The following DDB1 variants were observed in gnomAD, a reference collection of about 807,000 sequenced individuals.
DDB1 encodes DNA damage-binding protein 1.
Under a neutral mutation model 133.1 loss-of-function variants are expected in DDB1, and 18 were observed. The observed-to-expected ratio is 0.14, with a 90% CI of 0.09 to 0.20. The LOEUF (loss-of-function observed/expected upper bound fraction) is 0.20, where lower values mean the gene tolerates loss of function less well. DDB1 is among the 10% of genes least tolerant of loss of function. DDB1 has a pLI of 1.00. For missense variants in DDB1, 828 were observed against 1,459.2 expected, an observed-to-expected ratio of 0.57 and a Z score of 7.05; for synonymous variants, 580 against 550.5, an observed-to-expected ratio of 1.05 and a Z score of -0.75.
Position 61,300,057 on chromosome 11 carries a change from A to C in DDB1, c.*79T>G, listed in dbSNP as rs1243409364. 1.1e-5 allele frequency: 16 copies of C among 1,464,464 alleles called. No homozygotes were observed. Among genetic ancestry groups the C allele is most frequent in the East Asian group, 6.8e-5 (3 of 44,086 alleles). The allele number at this position is 1,464,464 out of a possible 1,614,324, so 90.7% of individuals were successfully genotyped here. A position where few individuals can be genotyped will look rare whatever the true frequency, so the allele number is the denominator to read the frequency against. ...AGGGAAAGGCCTCCCATGGCCAAGAAGACGATGGTGGAGAGGAGGGGGAGG... is the reference window on the plus strand; with the variant it reads ...AGGGAAAGGCCTCCCATGGCCAAGACGACGATGGTGGAGAGGAGGGGGAGG... On this transcript the variant is annotated 3_prime_UTR_variant, in exon 27 of 27. Coordinates refer to ENST00000301764, the MANE Select transcript of DDB1 (RefSeq NM_001923.5).
At chr11:61,312,321 T>C (rs910751102) in intron 16 of DDB1, among the ~76,000 whole-genome samples, 1 of 152,098 alleles carries the variant, frequency 6.6e-6, no homozygotes, top group African/African-American at 2.4e-5. Flanking sequence ...TTAATGATAA[T>C]GTGCAACCAG....
Position 61,309,948 on chromosome 11 carries a change from T to C in DDB1, c.2414A>G (p.His805Arg). Residue 805 changes from histidine (H) to arginine (R), a missense_variant, in exon 20 of 27, where the codon CAC becomes CGC. Physicochemically the swap from His to Arg is conservative, Grantham distance 29. Transcript: ENST00000301764. ...GGCATATTCATTCTGCAGAAACTGG[T>C]GGGCATGAAGCACTAGAGAGTAGAG... ...DQHTFEVLHA[H>R]QFLQNEYALS... The C allele has an allele frequency of 6.2e-7, 1 of 1,614,188 alleles. No homozygotes were observed. Among genetic ancestry groups the C allele is most frequent in the Non-Finnish European group, 8.5e-7 (1 of 1,180,034 alleles).
At chr11:61,303,218 G>A (rs1855828485) in intron 22 of DDB1, 63 bp from the exon 23 acceptor site, 1 of 1,486,314 alleles carries the variant, frequency 6.7e-7, no homozygotes, top group Admixed American at 1.7e-5. Context: ...TCCAGTTCTG[G>A]GACTTGTGTT....
chr11:61,318,435 C>A (rs1277803746), intron 10 of DDB1, among the ~76,000 whole-genome samples: 2 of 152,122 alleles, frequency 1.3e-5, no homozygotes, highest in African/African-American at 4.8e-5. Flanking sequence ...ACAGCCCGAC[C>A]AACATAATGT....
intron 8 of DDB1, chr11:61,322,798 C>T (rs771072252): frequency 1.0e-5 from 6 of 576,482 alleles, no homozygotes; most frequent in Non-Finnish European, 1.8e-5. Flanking sequence ...AATGTATCCA[C>T]AGCACCTAGC....
At position 61,329,423 on chromosome 11, in the gene DDB1, A is replaced by G. The variant is rs1381757889; in HGVS notation, c.489T>C (p.His163=). 6.2e-7 allele frequency: 1 copy of G among 1,614,204 alleles called. No homozygotes were observed. Among genetic ancestry groups the G allele is most frequent in the South Asian group, 1.1e-5 (1 of 91,084 alleles). ...KAFNIRLEEL[H]VIDVKFLYGC... is the part of the protein sequence containing the mutation. Reference sequence around the variant, plus strand: ...CATATAGGAACTTGACATCAATGACATGCAGCTCCTCCAGGCGGATGTTGA... The same window carrying G: ...CATATAGGAACTTGACATCAATGACGTGCAGCTCCTCCAGGCGGATGTTGA... The change falls in exon 4 of 27, where the codon CAT becomes CAC. Residue 163 remains histidine, a synonymous_variant. Transcript: ENST00000301764.
chr11:61,310,470 G>A, intron 18 of DDB1, 52 bp from the exon 19 acceptor site: 2 of 1,539,414 alleles, frequency 1.3e-6, no homozygotes, highest in Non-Finnish European at 1.7e-6. Context: ...AAGAAGTGCT[G>A]AGACATCATT....
At chr11:61,303,383 G>C (rs1426530019) in intron 22 of DDB1, 4 of 476,678 alleles carry the variant, frequency 8.4e-6, no homozygotes, top group Non-Finnish European at 1.5e-5. Flanking sequence ...TTTGAGTTGG[G>C]AGTCTCTAAA....
chr11:61,326,723 A>T (rs1856276590), intron 5 of DDB1, 56 bp downstream of exon 5: 4 of 1,424,708 alleles, frequency 2.8e-6, no homozygotes, highest in Non-Finnish European at 4.0e-6. Flanking sequence ...AGCGAACAAG[A>T]ACAGGGAACT....
chr11:61,300,313 T>TC (rs1855772270), intron 26 of DDB1, 94 bp from the exon 27 acceptor site: 1 of 1,270,864 alleles, frequency 7.9e-7, no homozygotes, highest in Admixed American at 1.9e-5. Context: ...GGCACAAGAC[T>TC]CCACCATTGT....
rs781740647 is a variant in DDB1, at chr11:61,302,766, G to T, written c.2943-15C>A. 58 of 1,614,006 alleles carry T rather than the reference G, an allele frequency of 3.6e-5. 1 individual carries two copies. The South Asian group carries it at 6.4e-4, about 18-fold the overall frequency. On this transcript the variant is annotated splice_polypyrimidine_tract_variant and intron_variant, in intron 23 of 26. Coordinates refer to ENST00000301764, the MANE Select transcript of DDB1 (RefSeq NM_001923.5). The stretch of plus-strand genomic sequence containing the variant: ...TGGTGGCAGCGCTGAAAGGCGGTAA[G>T]AAAGTCACTTTCTGAACCTCCTGTT...
chr11:61,302,919 G>GA, intron 23 of DDB1, 127 bp downstream of exon 23: 1 of 1,270,902 alleles, frequency 7.9e-7, no homozygotes, highest in African/African-American at 1.5e-5. Flanking sequence ...TTTATTCTCT[G>GA]ACGAGGAAAG....
At chr11:61,323,939 T>C in intron 7 of DDB1, 40 bp downstream of exon 7, 2 of 1,610,890 alleles carry the variant, frequency 1.2e-6, no homozygotes, top group South Asian at 1.1e-5. Context: ...TTTAGGAACC[T>C]AAAAGAACAT....
At chr11:61,314,612 T>C (rs1209816697) in intron 12 of DDB1, 126 bp from the exon 13 acceptor site, 2 of 955,376 alleles carry the variant, frequency 2.1e-6, no homozygotes, top group Non-Finnish European at 3.0e-6. Flanking sequence ...CTATTTCTTA[T>C]TCCCCAAAGT....
At chr11:61,309,727 C>T (rs1855931915) in intron 20 of DDB1, 69 bp downstream of exon 20, 2 of 1,545,442 alleles carry the variant, frequency 1.3e-6, no homozygotes, top group South Asian at 2.4e-5. Flanking sequence ...CTCTCTGAAA[C>T]CTCACAATGG....
chr11:61,303,357 T>TG, intron 22 of DDB1: 1 of 525,010 alleles, frequency 1.9e-6, no homozygotes, highest in South Asian at 2.1e-5. Context: ...TGCCCAGAGA[T>TG]GGAGCCTAGT....
intron 12 of DDB1, chr11:61,314,722 A>C (rs544508328): frequency 1.1e-4 from 51 of 454,440 alleles, no homozygotes; most frequent in Non-Finnish European, 1.9e-4. Flanking sequence ...TGGTGGGGAA[A>C]AGGCCTATTT....
Position 61,331,639 on chromosome 11 carries a change from T to G in DDB1, c.114A>C (p.Arg38Ser). ...CGGCGGTGACCACATAGATCTCTAA[T>G]CTCGTGTTTTTGGCAATCAACAGGT... is the stretch of plus-strand genomic sequence containing the variant. The part of the protein sequence containing the change: ...DLNLLIAKNT[R>S]LEIYVVTAEG... Residue 38 changes from arginine (R) to serine (S), a missense_variant, in exon 2 of 27, where the codon AGA becomes AGC. By Grantham distance (110) the Arg-to-Ser change is moderately radical. Around this residue, in one of 7 missense-constraint regions of DDB1, gnomAD observed 210 missense variants for 344.8 expected, o/e 0.61. Coordinates refer to ENST00000301764, the MANE Select transcript of DDB1 (RefSeq NM_001923.5). The G allele has an allele frequency of 6.2e-7, 1 of 1,614,128 alleles. No individual in the cohort carries two copies. Among genetic ancestry groups the G allele is most frequent in the Non-Finnish European group, 8.5e-7 (1 of 1,180,038 alleles).
rs1856202601 is a variant in DDB1 at position 61,322,709 on chromosome 11, C to T, written c.1006-297G>A. On this transcript the variant is annotated intron_variant, in intron 8 of 26. Coordinates refer to ENST00000301764, the MANE Select transcript of DDB1 (RefSeq NM_001923.5). ...CATGCATTTTTCTGCAGAGAAGGTC[C>T]GAAGTTTTCATATTCTAGAAGAAGT... is the stretch of plus-strand genomic sequence containing the variant. 4 of 531,628 alleles carry T rather than the reference C, an allele frequency of 7.5e-6. No homozygotes were observed. In the Admixed American group the frequency reaches 9.7e-5, roughly 13 times the overall value. The allele number at this position is 531,628 out of a possible 1,614,324, so 32.9% of individuals were successfully genotyped here.
Sources: allele counts gnomAD v4.1 joint callset (sites outside exome capture counted in the v4.1 genomes callset), GRCh38; gene constraint gnomAD v4.1.1; regional missense constraint gnomAD v4.1.1; transcripts MANE v1.5; gene names NCBI Gene and HGNC (gene_info 2026-07-23, HGNC 2026-07-21).